The following DYTN variants were observed in gnomAD, a reference collection of about 807,000 sequenced individuals.
DYTN encodes the protein dystrotelin.
Under a neutral mutation model 69.6 loss-of-function variants are expected in DYTN, and 75 were observed. The ratio of observed to expected loss-of-function variants is 1.08; its 90% CI spans 0.89 to 1.31. DYTN has a LOEUF of 1.31. Ranked by LOEUF, DYTN falls within the 50% of genes most tolerant of loss-of-function variation. The probability of loss-of-function intolerance (pLI) is 0.00; values close to 1 mark genes in which losing one functional copy is unlikely to be tolerated. For missense variants in DYTN, 726 were observed against 688.4 expected (o/e 1.05, Z -0.61); for synonymous variants, 252 against 249.1 (o/e 1.01, Z -0.11).
At chr2:206,654,877 C>G (rs969081498) in intron 11 of DYTN, among the ~76,000 whole-genome samples, 1 of 152,204 alleles carries the variant, frequency 6.6e-6, no homozygotes, top group Non-Finnish European at 1.5e-5. Flanking sequence ...GCTCCCCACC[C>G]TTAACCATGC....
intron 9 of DYTN, among the ~76,000 whole-genome samples, chr2:206,688,914 C>T (rs1699837985): frequency 6.6e-6 from 1 of 151,928 alleles, no homozygotes; most frequent in Non-Finnish European, 1.5e-5. Flanking sequence ...CTGGTTATTG[C>T]TAGTAGAGTG....
intron 9 of DYTN, among the ~76,000 whole-genome samples, chr2:206,679,785 T>C (rs898115929): frequency 3.3e-5 from 5 of 152,198 alleles, no homozygotes; most frequent in African/African-American, 4.8e-5. Flanking sequence ...TTCTGTGATA[T>C]ACTTAATTAT....
At chr2:206,702,041 T>C (rs1699982425) in intron 5 of DYTN, among the ~76,000 whole-genome samples, 2 of 152,220 alleles carry the variant, frequency 1.3e-5, no homozygotes, top group Middle Eastern at 3.2e-3. Context: ...TTACTCTTTC[T>C]TGAGGAGTTT....
intron 9 of DYTN, among the ~76,000 whole-genome samples, chr2:206,670,775 C>T (rs1159487147): frequency 1.3e-5 from 2 of 152,100 alleles, no homozygotes; most frequent in South Asian, 2.1e-4. Context: ...GAAGTTAAAA[C>T]AGTTTTAGGT....
chr2:206,702,688 G>A (rs1574601977), intron 5 of DYTN, among the ~76,000 whole-genome samples: 1 of 152,144 alleles, frequency 6.6e-6, no homozygotes, highest in East Asian at 1.9e-4. Context: ...TGGGAAAGGA[G>A]TTTTACTTCA....
chr2:206,699,855 C>T lies in DYTN; in HGVS notation c.591G>A (p.Leu197=). Reference sequence around the variant, plus strand: ...TGGGAGGCTCAGATTGGACCCAAGACAGGAATTTTTCTTCTTTGATTGCTG... The same window carrying T: ...TGGGAGGCTCAGATTGGACCCAAGATAGGAATTTTTCTTCTTTGATTGCTG... ...LSPAIKEEKF[L]SWVQSEPPIL... is the part of the protein sequence containing the mutation. Residue 197 remains leucine (L), a synonymous_variant, in exon 7 of 12, where the codon CTG becomes CTA. Coordinates refer to ENST00000452335, the MANE Select transcript of DYTN (RefSeq NM_001093730.1). 4 of 1,613,600 alleles carry T rather than the reference C, an allele frequency of 2.5e-6. No individual in the cohort carries two copies. The highest frequency in any genetic ancestry group is 2.5e-6 in the Non-Finnish European group (3 of 1,179,774).
chr2:206,717,863 C>T (rs1400043185), intron 1 of DYTN, among the ~76,000 whole-genome samples: 1 of 152,120 alleles, frequency 6.6e-6, no homozygotes, highest in East Asian at 1.9e-4. Context: ...ACTGTGAGAC[C>T]TTTCTCCCAA....
At chr2:206,707,650 G>T in intron 2 of DYTN, 147 bp from the exon 3 acceptor site, 1 of 767,800 alleles carries the variant, frequency 1.3e-6, no homozygotes, top group Non-Finnish European at 2.1e-6. Flanking sequence ...ACTACTATTT[G>T]GACATATATT....
intron 9 of DYTN, among the ~76,000 whole-genome samples, chr2:206,689,430 C>A (rs16838570): frequency 0.061 from 9,343 of 152,232 alleles, 971 homozygotes; most frequent in African/African-American, 0.21. Flanking sequence ...AGCCACAAAT[C>A]AGAATTTCTG....
At chr2:206,663,845 A>C (rs1306243427) in intron 10 of DYTN, among the ~76,000 whole-genome samples, 1 of 152,212 alleles carries the variant, frequency 6.6e-6, no homozygotes, top group Non-Finnish European at 1.5e-5. Context: ...CACAGTTCTC[A>C]TTGTGTGGCC....
chr2:206,703,345 C>G (rs979434347), intron 5 of DYTN, among the ~76,000 whole-genome samples: 2 of 152,182 alleles, frequency 1.3e-5, no homozygotes, highest in African/African-American at 4.8e-5. Context: ...CAGGCCCCCA[C>G]CTGCTCGAGT....
chr2:206,659,058 T>G (rs1390542329), intron 11 of DYTN, among the ~76,000 whole-genome samples: 2 of 151,794 alleles, frequency 1.3e-5, no homozygotes, highest in Admixed American at 6.6e-5. Context: ...TTACTGCAAT[T>G]TTTATGCAAA....
chr2:206,706,434 G>A (rs1352892978), intron 3 of DYTN, among the ~76,000 whole-genome samples: 1 of 151,258 alleles, frequency 6.6e-6, no homozygotes, highest in Non-Finnish European at 1.5e-5. Context: ...GTTTAAGGAA[G>A]CTGAAATGAA....
intron 9 of DYTN, among the ~76,000 whole-genome samples, chr2:206,690,700 G>A (rs79434533): frequency 0.033 from 5,103 of 152,360 alleles, 112 homozygotes; most frequent in Middle Eastern, 0.065. Flanking sequence ...GGAGTTGCAA[G>A]AGGGAGTGAA....
At chr2:206,682,612 T>C (rs1699761017) in intron 9 of DYTN, among the ~76,000 whole-genome samples, 1 of 152,172 alleles carries the variant, frequency 6.6e-6, no homozygotes, top group Non-Finnish European at 1.5e-5. Context: ...GATGATCTCA[T>C]ATAACCTCAT....
chr2:206,715,410 G>A (rs538574779), intron 1 of DYTN, among the ~76,000 whole-genome samples: 6 of 152,202 alleles, frequency 3.9e-5, no homozygotes, highest in African/African-American at 1.2e-4. Context: ...CAGGGAGCCC[G>A]CCAGCTGCCC....
chr2:206,658,407 G>C (rs1699472257), intron 11 of DYTN, among the ~76,000 whole-genome samples: 1 of 151,256 alleles, frequency 6.6e-6, no homozygotes, highest in Admixed American at 6.6e-5. Context: ...CTTTATTTTA[G>C]TATCTGTGCA....
chr2:206,702,102 C>T (rs62194554), intron 5 of DYTN, among the ~76,000 whole-genome samples: 1,709 of 152,334 alleles, frequency 0.011, 15 homozygotes, highest in Non-Finnish European at 0.019. Context: ...ACGGCTCAAT[C>T]TGTGCCACCA....
At chr2:206,708,289 A>C (rs1194655180) in intron 2 of DYTN, among the ~76,000 whole-genome samples, 6 of 152,200 alleles carry the variant, frequency 3.9e-5, no homozygotes, top group African/African-American at 1.4e-4. Context: ...TGACAGACAA[A>C]ATTAATAAAC....
Sources: allele counts gnomAD v4.1 joint callset (sites outside exome capture counted in the v4.1 genomes callset), GRCh38; gene constraint gnomAD v4.1.1; transcripts MANE v1.5; gene names NCBI Gene and HGNC (gene_info 2026-07-23, HGNC 2026-07-21).